Variants in VTI1A observed in about 807,000 individuals in gnomAD.
The protein encoded by VTI1A is vesicle transport through interaction with t-SNAREs homolog 1A.
A neutral mutation model predicts 34.9 loss-of-function variants in VTI1A; 22 were observed. The observed-to-expected ratio is 0.63, with a 90% CI of 0.45 to 0.90. The LOEUF (loss-of-function observed/expected upper bound fraction) is 0.90. Among genes scored for constraint, VTI1A ranks in the 40% least tolerant of loss-of-function variants. VTI1A has a pLI of 0.00. For synonymous variants in VTI1A, 87 were observed against 97.3 expected (o/e 0.89, Z 0.62); for missense variants, 268 against 275.6 (o/e 0.97, Z 0.20).
At chr10:112,852,851 T>C in the VTI1A span, among the ~76,000 whole-genome samples, 1 of 152,162 alleles carries the variant, frequency 6.6e-6, no homozygotes, top group African/African-American at 2.4e-5. Context: ...CAATCTCAGC[T>C]CACTGCAACC....
chr10:112,699,383 T>TG (rs981773714), intron 7 of VTI1A, among the ~76,000 whole-genome samples: 3 of 152,246 alleles, frequency 2.0e-5, no homozygotes, highest in African/African-American at 7.2e-5. Flanking sequence ...GGTTTATAGA[T>TG]GGTTGTCTGC....
chr10:112,512,099 C>G (rs145629121), intron 3 of VTI1A, among the ~76,000 whole-genome samples: 6 of 152,126 alleles, frequency 3.9e-5, no homozygotes, highest in South Asian at 2.1e-4. Flanking sequence ...ATTGCTGGAT[C>G]GAATGGTACT....
chr10:112,832,960 C>G, the VTI1A span, among the ~76,000 whole-genome samples: 2 of 152,148 alleles, frequency 1.3e-5, no homozygotes, highest in Non-Finnish European at 2.9e-5. Context: ...GATACCAGCA[C>G]CAGTTGGGTC....
chr10:112,482,184 T>C (rs548335979), intron 3 of VTI1A, among the ~76,000 whole-genome samples: 2 of 152,324 alleles, frequency 1.3e-5, no homozygotes, highest in South Asian at 2.1e-4. Context: ...TAATTGTTAT[T>C]TTCTCAGTTT....
At chr10:112,494,234 C>G (rs549954749) in intron 3 of VTI1A, among the ~76,000 whole-genome samples, 2 of 152,048 alleles carry the variant, frequency 1.3e-5, no homozygotes, top group South Asian at 4.1e-4. Context: ...ACAATAAATT[C>G]TTCATAATAT....
At chr10:112,672,850 AGTT>A (rs1466029550) in intron 7 of VTI1A, 1 of 152,226 alleles carries the variant, frequency 6.6e-6, no homozygotes, top group Admixed American at 6.5e-5. Context: ...ACCTCTGAAG[AGTT>A]AATGATTGAT....
intron 1 of VTI1A, among the ~76,000 whole-genome samples, chr10:112,452,315 A>G (rs1847269722): frequency 6.6e-6 from 1 of 152,148 alleles, no homozygotes; most frequent in African/African-American, 2.4e-5. Context: ...TCACACTGTA[A>G]TCTCAGCACT....
chr10:112,611,784 C>G lies in VTI1A; in HGVS notation c.428-56434C>G, dbSNP rs1337446323. 2.3e-5 allele frequency among the ~76,000 whole-genome samples: 3 copies of G among 127,836 alleles called. No individual in the cohort carries two copies. In the East Asian group the frequency reaches 6.3e-4, roughly 27 times the overall value. The allele number at this position is 127,836 out of a possible 152,430, so 83.9% of individuals were successfully genotyped here. On this transcript the variant is annotated intron_variant, in intron 5 of 7. Transcript: ENST00000393077. ...TGTGACGGAGTCTCGCTCTGTCGCC[C>G]AGGCTGGAGTCCAGTAGCGCTATCT...
At chr10:112,537,275 A>G (rs1850666230) in intron 4 of VTI1A, among the ~76,000 whole-genome samples, 1 of 143,746 alleles carries the variant, frequency 7.0e-6, no homozygotes, top group South Asian at 2.2e-4. Flanking sequence ...GCACACACAC[A>G]CAGATACATA....
chr10:112,474,904 A>G (rs1848227240), intron 3 of VTI1A, among the ~76,000 whole-genome samples: 1 of 152,180 alleles, frequency 6.6e-6, no homozygotes, highest in South Asian at 2.1e-4. Flanking sequence ...CAGAGCTCCC[A>G]TTAATTTCAA....
At chr10:112,764,770 GTAGT>G (rs1851591862) in intron 7 of VTI1A, among the ~76,000 whole-genome samples, 1 of 152,100 alleles carries the variant, frequency 6.6e-6, no homozygotes, top group Non-Finnish European at 1.5e-5. Context: ...TGTCTGCATG[GTAGT>G]TAGTGTTGTC....
chr10:112,701,292 C>T (rs571651165), intron 7 of VTI1A, among the ~76,000 whole-genome samples: 33 of 152,264 alleles, frequency 2.2e-4, no homozygotes, highest in Non-Finnish European at 4.1e-4. Context: ...ACAAGATCAG[C>T]CAGGAATAGC....
rs1014962421 is a variant in VTI1A, at chr10:112,470,782, C to T, written c.264+6125C>T. Reference sequence around the variant, plus strand: ...TGGCGCACACTTGTAATCCCAGCTACTTGGGAGGCCGAGGCCTCCCTTGAA... The same window carrying T: ...TGGCGCACACTTGTAATCCCAGCTATTTGGGAGGCCGAGGCCTCCCTTGAA... On this transcript the variant is annotated intron_variant, in intron 3 of 7. Coordinates refer to ENST00000393077, the MANE Select transcript of VTI1A (RefSeq NM_145206.4). Among the ~76,000 whole-genome samples the T allele has an allele frequency of 3.9e-5, 6 of 152,160 alleles. 1 individual carries two copies. The East Asian group carries it at 1.2e-3, about 29-fold the overall frequency.
chr10:112,823,746 G>A, the VTI1A span: 1 of 152,272 alleles, frequency 6.6e-6, no homozygotes, highest in Non-Finnish European at 1.5e-5. Flanking sequence ...TTTGTGAGGG[G>A]AGATGAAGCC....
chr10:112,494,726 A>G (rs1019914825), intron 3 of VTI1A, among the ~76,000 whole-genome samples: 1 of 151,998 alleles, frequency 6.6e-6, no homozygotes, highest in African/African-American at 2.4e-5. Flanking sequence ...CCAGGACAGG[A>G]TGGTCTTGAA....
intron 5 of VTI1A, among the ~76,000 whole-genome samples, chr10:112,633,970 T>G (rs1846243619): frequency 6.6e-6 from 1 of 152,192 alleles, no homozygotes. Context: ...CTTTTAGGCT[T>G]CCTATTTTAG....
At chr10:112,606,451 T>C (rs1845089401) in intron 5 of VTI1A, among the ~76,000 whole-genome samples, 1 of 152,202 alleles carries the variant, frequency 6.6e-6, no homozygotes, top group Non-Finnish European at 1.5e-5. Flanking sequence ...ATTTGTCACT[T>C]ACTGGTGCTT....
chr10:112,635,180 C>T (rs1194517124), intron 5 of VTI1A, among the ~76,000 whole-genome samples: 2 of 152,178 alleles, frequency 1.3e-5, no homozygotes, highest in East Asian at 3.8e-4. Flanking sequence ...ACATTTCCTG[C>T]CTTCAAGCAG....
At chr10:112,560,756 C>T (rs1259357632) in intron 5 of VTI1A, among the ~76,000 whole-genome samples, 1 of 151,896 alleles carries the variant, frequency 6.6e-6, no homozygotes, top group African/African-American at 2.4e-5. Context: ...ACCATCACGC[C>T]CAGCTAATTT....
Sources: gnomAD v4.1 joint callset for allele counts (sites outside exome capture counted in the v4.1 genomes callset) on GRCh38, gnomAD v4.1.1 for gene constraint, MANE v1.5 for transcripts, NCBI Gene and HGNC (gene_info 2026-07-23, HGNC 2026-07-21) for gene names.